Variants in THSD4 observed in about 807,000 individuals in gnomAD.
THSD4 encodes thrombospondin type-1 domain-containing protein 4.
THSD4 carries 69 observed loss-of-function variants against 119.0 expected under a neutral mutation model. The ratio of observed to expected loss-of-function variants is 0.58; its 90% confidence interval spans 0.48 to 0.71. The LOEUF (loss-of-function observed/expected upper bound fraction) is 0.71. Ranked by LOEUF, THSD4 falls within the 30% of genes least tolerant of loss-of-function variation. The pLI is 0.00. For missense variants in THSD4, 1,393 were observed against 1,391.1 expected, an observed-to-expected ratio of 1.00 and a Z score of -0.02; for synonymous variants, 524 against 540.4, an observed-to-expected ratio of 0.97 and a Z score of 0.42.
rs193151542 is a variant in THSD4, at chr15:71,704,055, A to G, written c.1358-24494A>G. 2.8e-3 allele frequency among the ~76,000 whole-genome samples: 430 copies of G among 152,132 alleles called. 1 individual carries two copies. The highest frequency in any genetic ancestry group is 9.2e-3 in the African/African-American group (384 of 41,516). ...AGTAGAGACGGGGTTTCACCATGTT[A>G]GCCAGAATGGTCTCAATCTCCTGAC... On this transcript the variant is annotated intron_variant, in intron 8 of 17. Coordinates refer to ENST00000261862, the MANE Select transcript of THSD4 (RefSeq NM_024817.3).
intron 8 of THSD4, among the ~76,000 whole-genome samples, chr15:71,716,692 C>T (rs1169879244): frequency 3.9e-5 from 6 of 151,954 alleles, no homozygotes; most frequent in Admixed American, 6.5e-5. Context: ...TGCCCAGCCA[C>T]GGTGCACACC....
intron 7 of THSD4, among the ~76,000 whole-genome samples, chr15:71,626,823 A>T (rs1542880): frequency 1.3e-5 from 2 of 152,158 alleles, no homozygotes; most frequent in African/African-American, 4.8e-5. Context: ...CACTGTTCTT[A>T]TCTAGCTCTG....
At chr15:71,182,421 T>C (rs902622022) in intron 3 of THSD4, among the ~76,000 whole-genome samples, 3 of 151,838 alleles carry the variant, frequency 2.0e-5, no homozygotes, top group African/African-American at 7.2e-5. Flanking sequence ...TAGATATTTT[T>C]GTGCGCTTCA....
At chr15:71,169,298 G>C (rs2141400547) in intron 3 of THSD4, among the ~76,000 whole-genome samples, 1 of 152,294 alleles carries the variant, frequency 6.6e-6, no homozygotes, top group Middle Eastern at 3.4e-3. Flanking sequence ...GTGAGGATAG[G>C]AAGCAATTGG....
At chr15:71,588,082 G>A (rs983675824) in intron 7 of THSD4, among the ~76,000 whole-genome samples, 46 of 151,936 alleles carry the variant, frequency 3.0e-4, no homozygotes, top group Non-Finnish European at 5.2e-4. Flanking sequence ...CGAGGTGGGC[G>A]GATCACGAGG....
chr15:71,441,055 A>G (rs911950394), intron 7 of THSD4, among the ~76,000 whole-genome samples: 6 of 152,198 alleles, frequency 3.9e-5, no homozygotes, highest in Non-Finnish European at 7.3e-5. Context: ...TCTCAGAGAC[A>G]CAGTCCTCTT....
chr15:71,179,883 A>C, intron 3 of THSD4, among the ~76,000 whole-genome samples: 1 of 36,914 alleles, frequency 2.7e-5, no homozygotes, highest in South Asian at 1.3e-3. Context: ...TCAGTAAACT[A>C]TCGCAAGAAC....
chr15:71,450,683 G>A (rs999572549), intron 7 of THSD4, among the ~76,000 whole-genome samples: 5 of 152,342 alleles, frequency 3.3e-5, no homozygotes, highest in South Asian at 2.1e-4. Flanking sequence ...ACTTGGTAGT[G>A]TAGGGGAGGG....
intron 7 of THSD4, among the ~76,000 whole-genome samples, chr15:71,582,684 T>C (rs1184164035): frequency 3.9e-5 from 6 of 152,160 alleles, no homozygotes; most frequent in Non-Finnish European, 8.8e-5. Context: ...GTTTTTATCA[T>C]GAAGGATGTT....
At chr15:71,254,324 C>T (rs928809615) in intron 5 of THSD4, among the ~76,000 whole-genome samples, 2 of 152,212 alleles carry the variant, frequency 1.3e-5, no homozygotes, top group Non-Finnish European at 2.9e-5. Context: ...ATCTCCAGGT[C>T]TCAGTTCCCT....
intron 1 of THSD4, among the ~76,000 whole-genome samples, chr15:71,100,642 C>T (rs376501689): frequency 6.6e-6 from 1 of 152,098 alleles, no homozygotes; most frequent in South Asian, 2.1e-4. Context: ...AAACAGATAT[C>T]TAATATTTAT....
chr15:71,141,514 G>A lies in THSD4; in HGVS notation c.-14G>A. Reference sequence around the variant, plus strand: ...CTCTGAAGAGCCCTTGCTTTTGCCTGGACCCCCAGCATCATGGTTTCCCAT... The same window carrying A: ...CTCTGAAGAGCCCTTGCTTTTGCCTAGACCCCCAGCATCATGGTTTCCCAT... On this transcript the variant is annotated 5_prime_UTR_variant, in exon 2 of 18. Coordinates refer to ENST00000261862, the MANE Select transcript of THSD4 (RefSeq NM_024817.3). 1 of 1,607,558 alleles carries A rather than the reference G, an allele frequency of 6.2e-7. No individual in the cohort carries two copies. The highest frequency in any genetic ancestry group is 8.5e-7 in the Non-Finnish European group (1 of 1,177,242).
chr15:71,118,440 T>G (rs961152831), intron 1 of THSD4, among the ~76,000 whole-genome samples: 3 of 152,130 alleles, frequency 2.0e-5, no homozygotes, highest in African/African-American at 7.2e-5. Flanking sequence ...CTGTGTCTCT[T>G]CCCTGCATTC....
At chr15:71,759,695 G>C (rs895624746) in intron 15 of THSD4, among the ~76,000 whole-genome samples, 2 of 152,174 alleles carry the variant, frequency 1.3e-5, no homozygotes, top group African/African-American at 4.8e-5. Context: ...AGTCACACAC[G>C]TGAAGATAAG....
At chr15:71,449,894 T>G (rs2047239086) in intron 7 of THSD4, among the ~76,000 whole-genome samples, 1 of 152,188 alleles carries the variant, frequency 6.6e-6, no homozygotes, top group Non-Finnish European at 1.5e-5. Context: ...TTACCACAAA[T>G]TCATGATAGA....
chr15:71,465,880 G>C (rs1190648175), intron 7 of THSD4, among the ~76,000 whole-genome samples: 1 of 152,166 alleles, frequency 6.6e-6, no homozygotes, highest in Non-Finnish European at 1.5e-5. Context: ...ACTTCCATGG[G>C]GGGTAGGTCC....
At chr15:71,346,872 T>TC (rs953220822) in intron 6 of THSD4, among the ~76,000 whole-genome samples, 14 of 132,526 alleles carry the variant, frequency 1.1e-4, no homozygotes, top group Non-Finnish European at 1.9e-4. Context: ...CATTTTCTTT[T>TC]TTTTTTTTTT....
chr15:71,454,622 A>G (rs2047312126), intron 7 of THSD4, among the ~76,000 whole-genome samples: 1 of 152,220 alleles, frequency 6.6e-6, no homozygotes, highest in South Asian at 2.1e-4. Flanking sequence ...CTTGCAATGA[A>G]GGGAAGTCTG....
intron 14 of THSD4, among the ~76,000 whole-genome samples, chr15:71,754,222 T>A (rs1402989173): frequency 6.6e-6 from 1 of 152,024 alleles, no homozygotes; most frequent in Non-Finnish European, 1.5e-5. Context: ...CCCAAGTAGC[T>A]GGAATTACAG....
Sources: allele counts gnomAD v4.1 joint callset (sites outside exome capture counted in the v4.1 genomes callset), GRCh38; gene constraint gnomAD v4.1.1; transcripts MANE v1.5; gene names NCBI Gene and HGNC (gene_info 2026-07-23, HGNC 2026-07-21).